Variants in IGF1R observed in about 807,000 individuals in gnomAD.
IGF1R encodes the protein insulin like growth factor 1 receptor, also known as insulin-like growth factor 1 receptor.
Under a neutral mutation model 144.6 loss-of-function variants are expected in IGF1R, and 44 were observed. The observed-to-expected ratio is 0.30, with a 90% CI of 0.24 to 0.39. The LOEUF (loss-of-function observed/expected upper bound fraction) is 0.39. Ranked by LOEUF, IGF1R falls within the 10% of genes least tolerant of loss-of-function variation. The pLI, the probability that IGF1R is intolerant of heterozygous loss-of-function variation, is 1.00. For missense variants in IGF1R, 1,355 were observed against 1,833.7 expected (o/e 0.74, Z 4.77); for synonymous variants, 795 against 722.8 (o/e 1.10, Z -1.60).
At position 98,964,222 on chromosome 15, in the gene IGF1R, G is replaced by C. The variant is rs886051625; in HGVS notation, c.*6780G>C. ...TCTTGTTAAAAAAAAATTTTTTTAA[G>C]TAAGAAAAAAAAAGGTAATAACATG... On this transcript the variant is annotated 3_prime_UTR_variant, in exon 21 of 21. Coordinates refer to ENST00000650285, the MANE Select transcript of IGF1R (RefSeq NM_000875.5). 8.7e-6 allele frequency: 2 copies of C among 230,614 alleles called. No individual in the cohort carries two copies. Among genetic ancestry groups the C allele is most frequent in the African/African-American group, 4.5e-5 (2 of 44,762 alleles). The allele number at this position is 230,614 out of a possible 1,614,324, so 14.3% of individuals were successfully genotyped here.
chr15:98,820,988 G>A (rs949838666), intron 2 of IGF1R: 1 of 152,140 alleles, frequency 6.6e-6, no homozygotes, highest in African/African-American at 2.4e-5. Context: ...TCTTTTTGGT[G>A]TACAACAGCT....
chr15:98,946,000 G>GGATGATGAT (rs573692963), intron 19 of IGF1R, among the ~76,000 whole-genome samples: 25 of 151,838 alleles, frequency 1.6e-4, no homozygotes, highest in Non-Finnish European at 2.6e-4. Context: ...GAAGATGCGG[G>GGATGATGAT]GATGATGATG....
chr15:98,679,853 G>A (rs990341755), intron 1 of IGF1R, among the ~76,000 whole-genome samples: 1 of 152,138 alleles, frequency 6.6e-6, no homozygotes, highest in Non-Finnish European at 1.5e-5. Context: ...AGGATATGGA[G>A]GTGGAAGACA....
At chr15:98,947,741 C>T (rs1041415025) in intron 19 of IGF1R, among the ~76,000 whole-genome samples, 2 of 152,212 alleles carry the variant, frequency 1.3e-5, no homozygotes, top group African/African-American at 2.4e-5. Flanking sequence ...CAAAGTTATT[C>T]CTCAGCCAAC....
intron 20 of IGF1R, among the ~76,000 whole-genome samples, chr15:98,952,311 C>CACACACACACACACACAA (rs2016810268): frequency 6.6e-6 from 1 of 151,440 alleles, no homozygotes; most frequent in African/African-American, 2.4e-5. Flanking sequence ...CCAACACACA[C>CACACACACACACACACAA]ACACACACAC....
intron 2 of IGF1R, among the ~76,000 whole-genome samples, chr15:98,879,751 C>T (rs771285551): frequency 6.6e-6 from 1 of 151,848 alleles, no homozygotes; most frequent in Non-Finnish European, 1.5e-5. Context: ...CTAATCTTCC[C>T]GTGATATGAA....
intron 2 of IGF1R, among the ~76,000 whole-genome samples, chr15:98,866,997 A>C (rs1319319579): frequency 6.6e-6 from 1 of 152,158 alleles, no homozygotes; most frequent in African/African-American, 2.4e-5. Context: ...TGACATCCTG[A>C]GCAGTGAAGC....
chr15:98,872,294 C>T (rs2012824911), intron 2 of IGF1R, among the ~76,000 whole-genome samples: 1 of 152,120 alleles, frequency 6.6e-6, no homozygotes, highest in African/African-American at 2.4e-5. Context: ...CATAGCCCTC[C>T]CCTGGAAATT....
intron 2 of IGF1R, among the ~76,000 whole-genome samples, chr15:98,787,846 G>A (rs1032626231): frequency 2.0e-5 from 3 of 152,140 alleles, no homozygotes; most frequent in African/African-American, 4.8e-5. Flanking sequence ...TGAATCAGTC[G>A]TATATGTTTT....
chr15:98,845,505 CCCT>C (rs1305217217), intron 2 of IGF1R, among the ~76,000 whole-genome samples: 9 of 134,040 alleles, frequency 6.7e-5, no homozygotes, highest in Non-Finnish European at 1.3e-4. Flanking sequence ...TTCTCCTCCT[CCCT>C]CCTCCTCCTT....
chr15:98,843,557 T>A (rs1331514064), intron 2 of IGF1R, among the ~76,000 whole-genome samples: 1 of 152,168 alleles, frequency 6.6e-6, no homozygotes, highest in Middle Eastern at 3.2e-3. Context: ...ATTGAAAGTA[T>A]TTAAAATATT....
chr15:98,891,534 A>G lies in IGF1R; in HGVS notation c.850A>G (p.Asn284Asp), dbSNP rs144675711. Reference protein sequence around the residue: ...WRCVDRDFCANILSAESSDSE... With the variant: ...WRCVDRDFCADILSAESSDSE... ...CTGTGTGGACCGTGACTTCTGCGCC[A>G]ACATCCTCAGCGCCGAGAGCAGCGA... The change falls in exon 3 of 21, where the codon AAC becomes GAC. Residue 284 changes from asparagine (N) to aspartate (D), a missense_variant. Asn to Asp is a conservative substitution (Grantham distance 23, BLOSUM62 1). Transcript: ENST00000650285. This position sits in a 1 kb window ranked among gnomAD's most constrained non-coding sequence, Gnocchi z 4.7. 2 of 1,612,702 alleles carry G rather than the reference A, an allele frequency of 1.2e-6. No individual in the cohort carries two copies. Among genetic ancestry groups the G allele is most frequent in the South Asian group, 1.1e-5 (1 of 91,086 alleles).
At chr15:98,743,064 T>C (rs2054784435) in intron 2 of IGF1R, among the ~76,000 whole-genome samples, 1 of 152,210 alleles carries the variant, frequency 6.6e-6, no homozygotes, top group Non-Finnish European at 1.5e-5. Context: ...CATGATATCA[T>C]AGTAAATAGG....
At chr15:98,715,868 GA>G (rs976650729) in intron 2 of IGF1R, among the ~76,000 whole-genome samples, 2 of 152,174 alleles carry the variant, frequency 1.3e-5, no homozygotes, top group Non-Finnish European at 2.9e-5. Flanking sequence ...TGGGAGATGG[GA>G]TTTTTCTGTC....
intron 2 of IGF1R, among the ~76,000 whole-genome samples, chr15:98,753,175 C>T (rs2055060112): frequency 6.6e-6 from 1 of 151,756 alleles, no homozygotes; most frequent in Admixed American, 6.6e-5. Context: ...CTCGTGATCA[C>T]CTGCCTCGGC....
chr15:98,802,335 G>T (rs2056380256), intron 2 of IGF1R, among the ~76,000 whole-genome samples: 1 of 152,206 alleles, frequency 6.6e-6, no homozygotes, highest in African/African-American at 2.4e-5. Context: ...ATGTAGCGAT[G>T]GCTTGGACTT....
At chr15:98,667,811 CCAAAG>C (rs1245398348) in intron 1 of IGF1R, among the ~76,000 whole-genome samples, 2 of 152,144 alleles carry the variant, frequency 1.3e-5, no homozygotes, top group Admixed American at 1.3e-4. Context: ...CTCTGGACCT[CCAAAG>C]CAAACCCGAA....
chr15:98,683,549 G>C (rs1222390600), intron 1 of IGF1R, among the ~76,000 whole-genome samples: 1 of 152,208 alleles, frequency 6.6e-6, no homozygotes, highest in African/African-American at 2.4e-5. Context: ...TCTTAGCTCA[G>C]CTTAGTGTAA....
intron 2 of IGF1R, among the ~76,000 whole-genome samples, chr15:98,780,170 T>G (rs2312088): frequency 0.022 from 3,341 of 150,754 alleles, 131 homozygotes; most frequent in African/African-American, 0.076. Flanking sequence ...ATAAATAAAA[T>G]AAAAAAAGAA....
Sources: gnomAD v4.1 joint callset for allele counts (sites outside exome capture counted in the v4.1 genomes callset) on GRCh38, gnomAD v4.1.1 for gene constraint, Gnocchi (gnomAD v3.1) non-coding constraint, MANE v1.5 for transcripts, NCBI Gene and HGNC (gene_info 2026-07-23, HGNC 2026-07-21) for gene names.